FUBP1: variants seen among roughly 807,000 people sequenced by gnomAD.
The protein encoded by FUBP1 is far upstream element-binding protein 1.
FUBP1 carries 16 observed loss-of-function variants against 94.9 expected under a neutral mutation model. The observed-to-expected ratio is 0.17, with a 90% CI of 0.11 to 0.26. The LOEUF (loss-of-function observed/expected upper bound fraction) is 0.26, where lower values mean the gene tolerates loss of function less well. Ranked by LOEUF, FUBP1 falls within the 10% of genes least tolerant of loss-of-function variation. The pLI, the probability that FUBP1 is intolerant of heterozygous loss-of-function variation, is 1.00. For synonymous variants in FUBP1, 279 were observed against 254.9 expected, an observed-to-expected ratio of 1.09 and a Z score of -0.90; for missense variants, 583 against 808.6, an observed-to-expected ratio of 0.72 and a Z score of 3.38.
At chr1:77,973,390 C>T (rs560426743) in intron 1 of FUBP1, among the ~76,000 whole-genome samples, 6 of 152,202 alleles carry the variant, frequency 3.9e-5, no homozygotes, top group Admixed American at 3.3e-4. Flanking sequence ...GGATTACAGG[C>T]GCCCGCCACC....
At chr1:77,977,761 T>C (rs993029084) in intron 1 of FUBP1, among the ~76,000 whole-genome samples, 1 of 152,260 alleles carries the variant, frequency 6.6e-6, no homozygotes, top group African/African-American at 2.4e-5. Flanking sequence ...CTAATATTAA[T>C]GATGACCTTT....
chr1:77,955,785 G>A (rs564931638), intron 17 of FUBP1, among the ~76,000 whole-genome samples: 1 of 152,108 alleles, frequency 6.6e-6, no homozygotes, highest in Admixed American at 6.5e-5. Flanking sequence ...TCCTAGTTCT[G>A]CCTGTTGAAA....
Position 77,964,264 on chromosome 1 carries a change from C to T in FUBP1, c.930G>A (p.Gln310=). The change falls in exon 11 of 20, where the codon CAG becomes CAA. Residue 310 remains glutamine, a synonymous_variant. Transcript: ENST00000370768. ...KIQNDAGVRI[Q]FKPDDGTTPE... ...ATTATATGTACTCACCTGGCTTAAA[C>T]TGAATGCGAACACCAGCATCATTTT... 6.2e-7 allele frequency: 1 copy of T among 1,605,732 alleles called. No individual in the cohort carries two copies. The highest frequency in any genetic ancestry group is 8.5e-7 in the Non-Finnish European group (1 of 1,173,330).
Position 77,948,758 on chromosome 1 carries a change from ACTT to A in FUBP1, c.*5_*7del. Reference sequence around the variant, plus strand: ...CAATGAAGCAAATACTGTATTGTCCACTTCTTATTATTGGCCCTGTGCAGAAGA... The same window carrying A: ...CAATGAAGCAAATACTGTATTGTCCACTTATTATTGGCCCTGTGCAGAAGA... On this transcript the variant is annotated 3_prime_UTR_variant, in exon 20 of 20. Coordinates refer to ENST00000370768, the MANE Select transcript of FUBP1 (RefSeq NM_003902.5). 3 of 1,608,430 alleles carry A rather than the reference ACTT, an allele frequency of 1.9e-6. No homozygotes were observed. Among genetic ancestry groups the A allele is most frequent in the South Asian group, 1.1e-5 (1 of 90,764 alleles).
intron 16 of FUBP1, among the ~76,000 whole-genome samples, chr1:77,957,258 C>T (rs951139146): frequency 1.3e-5 from 2 of 152,188 alleles, no homozygotes; most frequent in East Asian, 3.9e-4. Flanking sequence ...TCATTCTCTG[C>T]AATCTTCAGG....
intron 1 of FUBP1, among the ~76,000 whole-genome samples, chr1:77,970,936 G>A (rs780648711): frequency 1.3e-5 from 2 of 151,982 alleles, no homozygotes; most frequent in South Asian, 2.1e-4. Context: ...CCAGCTACTC[G>A]GGAGGCTGAG....
intron 2 of FUBP1, among the ~76,000 whole-genome samples, chr1:77,968,657 A>C (rs1656969050): frequency 6.6e-6 from 1 of 151,236 alleles, no homozygotes; most frequent in Non-Finnish European, 1.5e-5. Context: ...AAAAAAAAAC[A>C]AAAAAACCCC....
chr1:77,968,086 G>T, intron 3 of FUBP1, 79 bp downstream of exon 3: 1 of 890,712 alleles, frequency 1.1e-6, no homozygotes. Flanking sequence ...TAACTTCAAA[G>T]ATACCCAATA....
rs776804514 is a variant in FUBP1 at position 77,965,246 on chromosome 1, A to G, written c.474-15T>C. 3 of 1,570,424 alleles carry G rather than the reference A, an allele frequency of 1.9e-6. No homozygotes were observed. The highest frequency in any genetic ancestry group is 4.5e-5 in the East Asian group (2 of 44,234). ...GTTTTGCTGACCTGTTAACAAATTAATATTTAAATAGTAAGCTGTAGCATA... is the reference window on the plus strand; with the variant it reads ...GTTTTGCTGACCTGTTAACAAATTAGTATTTAAATAGTAAGCTGTAGCATA... On this transcript the variant is annotated splice_polypyrimidine_tract_variant and intron_variant, in intron 7 of 19. Transcript: ENST00000370768.
chr1:77,947,837 G>A lies in FUBP1; in HGVS notation c.*929C>T. The A allele has an allele frequency of 8.9e-7, 1 of 1,124,224 alleles. No homozygotes were observed. The highest frequency in any genetic ancestry group is 1.1e-6 in the Non-Finnish European group (1 of 896,022). 69.6% of individuals were successfully genotyped at this position (1,124,224 alleles called of 1,614,324 possible). On this transcript the variant is annotated 3_prime_UTR_variant, in exon 20 of 20. Transcript: ENST00000370768. The stretch of plus-strand genomic sequence containing the variant: ...CCCCATTTATGTTTCAATGGCAGAT[G>A]CAATGTAGCTATACTTTTTGCACAC...
At chr1:77,961,137 T>C (rs913548041) in intron 14 of FUBP1, among the ~76,000 whole-genome samples, 2 of 152,258 alleles carry the variant, frequency 1.3e-5, no homozygotes, top group African/African-American at 4.8e-5. Context: ...GGATATTTTA[T>C]ATCCTTATCA....
At chr1:77,950,754 A>C (rs1184682791) in intron 18 of FUBP1, among the ~76,000 whole-genome samples, 1 of 152,198 alleles carries the variant, frequency 6.6e-6, no homozygotes, top group Non-Finnish European at 1.5e-5. Context: ...GAGCATGGAC[A>C]CACAGGAAGC....
intron 13 of FUBP1, among the ~76,000 whole-genome samples, 193 bp downstream of exon 13, chr1:77,963,381 T>C (rs1393230864): frequency 1.3e-5 from 2 of 152,218 alleles, no homozygotes; most frequent in Non-Finnish European, 2.9e-5. Context: ...CTAGTAAGAT[T>C]AAAATCCTGC....
chr1:77,966,176 T>C (rs192012273), intron 7 of FUBP1, among the ~76,000 whole-genome samples: 28 of 152,100 alleles, frequency 1.8e-4, no homozygotes, highest in African/African-American at 6.3e-4. Flanking sequence ...AGAGGAAAAA[T>C]GAAGGCTGGT....
rs1412185720 is a variant in FUBP1, at chr1:77,947,940, A to G, written c.*826T>C. 1 of 1,013,330 alleles carries G rather than the reference A, an allele frequency of 9.9e-7. No individual in the cohort carries two copies. Among genetic ancestry groups the G allele is most frequent in the Non-Finnish European group, 1.2e-6 (1 of 826,526 alleles). 62.8% of individuals were successfully genotyped at this position (1,013,330 alleles called of 1,614,324 possible). Reference sequence around the variant, plus strand: ...TTGAAAGAGTTGCTTCACATGGAAAAAAACTGTTCTTATTAGACTACTCAT... The same window carrying G: ...TTGAAAGAGTTGCTTCACATGGAAAGAAACTGTTCTTATTAGACTACTCAT... On this transcript the variant is annotated 3_prime_UTR_variant, in exon 20 of 20. Transcript: ENST00000370768.
chr1:77,966,171 A>G (rs1285004601), intron 7 of FUBP1, among the ~76,000 whole-genome samples: 1 of 152,254 alleles, frequency 6.6e-6, no homozygotes, highest in Non-Finnish European at 1.5e-5. Context: ...TGAACAGAGG[A>G]AAAATGAAGG....
chr1:77,962,303 A>T lies in FUBP1; in HGVS notation c.1344+467T>A, dbSNP rs1655636056. On this transcript the variant is annotated intron_variant, in intron 14 of 19. Coordinates refer to ENST00000370768, the MANE Select transcript of FUBP1 (RefSeq NM_003902.5). ...TTATGTGTAGGAGTGGGAAGCACCCAAATAGTCTACATTTTAATACCCCCA... is the reference window on the plus strand; with the variant it reads ...TTATGTGTAGGAGTGGGAAGCACCCTAATAGTCTACATTTTAATACCCCCA... Among the ~76,000 whole-genome samples, 6 of 152,168 alleles carry T rather than the reference A, an allele frequency of 3.9e-5. No individual in the cohort carries two copies. In the South Asian group the frequency reaches 1.2e-3, roughly 32 times the overall value.
intron 18 of FUBP1, among the ~76,000 whole-genome samples, chr1:77,951,674 T>C (rs1351853246): frequency 1.3e-5 from 2 of 152,214 alleles, no homozygotes; most frequent in African/African-American, 2.4e-5. Flanking sequence ...TAGAACATTA[T>C]CTAATATTTA....
intron 1 of FUBP1, among the ~76,000 whole-genome samples, chr1:77,970,629 T>C (rs932194188): frequency 6.6e-6 from 1 of 152,210 alleles, no homozygotes; most frequent in African/African-American, 2.4e-5. Flanking sequence ...TAAGGATATA[T>C]GTAGGAGTCC....
Sources: allele counts gnomAD v4.1 joint callset (sites outside exome capture counted in the v4.1 genomes callset), GRCh38; gene constraint gnomAD v4.1.1; transcripts MANE v1.5; gene names NCBI Gene and HGNC (gene_info 2026-07-23, HGNC 2026-07-21).